TAFA2: variants seen among roughly 807,000 people sequenced by gnomAD.
TAFA2 encodes the protein TAFA chemokine like family member 2.
TAFA2 carries 7 observed loss-of-function variants against 18.8 expected under a neutral mutation model. The ratio of observed to expected loss-of-function variants is 0.37; its 90% CI spans 0.21 to 0.70. TAFA2 has a LOEUF of 0.70. TAFA2 is among the 30% of genes least tolerant of loss of function. TAFA2 has a pLI of 0.53. For missense variants in TAFA2, 122 were observed against 158.1 expected (o/e 0.77, Z 1.23); for synonymous variants, 60 against 54.2 (o/e 1.11, Z -0.47).
intron 1 of TAFA2, among the ~76,000 whole-genome samples, chr12:62,103,001 A>G (rs1869278113): frequency 6.6e-6 from 1 of 152,194 alleles, no homozygotes; most frequent in South Asian, 2.1e-4. Context: ...CTCTTTCTAC[A>G]GCACATCCTT....
chr12:62,103,145 T>G (rs981065414), intron 1 of TAFA2, among the ~76,000 whole-genome samples: 2 of 152,192 alleles, frequency 1.3e-5, no homozygotes, highest in Non-Finnish European at 2.9e-5. Flanking sequence ...CTTACACTCA[T>G]TACAGCTGAA....
intron 1 of TAFA2, among the ~76,000 whole-genome samples, chr12:61,997,256 G>A (rs1028500918): frequency 2.0e-5 from 3 of 151,260 alleles, no homozygotes; most frequent in Non-Finnish European, 4.4e-5. Flanking sequence ...AATAATGAGT[G>A]ATGGCAACAG....
At chr12:61,754,096 T>G (rs951824695) in intron 3 of TAFA2, among the ~76,000 whole-genome samples, 1 of 151,996 alleles carries the variant, frequency 6.6e-6, no homozygotes, top group African/African-American at 2.4e-5. Flanking sequence ...GAAAATAAAC[T>G]ATGCAAATGT....
chr12:62,064,229 T>A (rs985563860), intron 1 of TAFA2, among the ~76,000 whole-genome samples: 4 of 152,114 alleles, frequency 2.6e-5, no homozygotes, highest in African/African-American at 9.7e-5. Flanking sequence ...AACACTATTA[T>A]TTTTTACATG....
At chr12:61,743,995 T>C (rs1018641658) in intron 4 of TAFA2, among the ~76,000 whole-genome samples, 3 of 152,082 alleles carry the variant, frequency 2.0e-5, no homozygotes, top group African/African-American at 7.2e-5. Flanking sequence ...CCATTTTTCT[T>C]TTATTAAGCC....
chr12:61,772,643 T>C (rs1414963889), intron 2 of TAFA2, among the ~76,000 whole-genome samples: 1 of 151,918 alleles, frequency 6.6e-6, no homozygotes, highest in African/African-American at 2.4e-5. Context: ...AGAAAAAGCA[T>C]TTGACAAAAT....
intron 4 of TAFA2, among the ~76,000 whole-genome samples, chr12:61,724,790 T>TATATACACCAGATGG (rs1218348558): frequency 7.5e-5 from 6 of 79,742 alleles, no homozygotes; most frequent in African/African-American, 3.0e-4. Flanking sequence ...TGTGTGTGTG[T>TATATACACCAGATGG]GTGTGTGTGT....
chr12:62,088,589 GC>G (rs1319558044), intron 1 of TAFA2, among the ~76,000 whole-genome samples: 1 of 82,852 alleles, frequency 1.2e-5, no homozygotes, highest in East Asian at 3.1e-4. Context: ...CGGGGAAACA[GC>G]CCTGTAGAGG....
chr12:62,207,325 T>A lies in TAFA2; in HGVS notation c.-130+51438A>T, dbSNP rs142342410. 24 of 152,330 alleles carry A rather than the reference T, an allele frequency of 1.6e-4. No homozygotes were observed. In the East Asian group the frequency reaches 4.6e-3, roughly 29 times the overall value. The allele number at this position is 152,330 out of a possible 1,614,324, so 9.4% of individuals were successfully genotyped here. A position where few individuals can be genotyped will look rare whatever the true frequency, so the allele number is the denominator to read the frequency against. Reference sequence around the variant, plus strand: ...AGGGAAAAATATATGGCCACATTTATTTTAATATCCAATAATAATGACTTT... The same window carrying A: ...AGGGAAAAATATATGGCCACATTTAATTTAATATCCAATAATAATGACTTT... On this transcript the variant is annotated intron_variant, in intron 1 of 5. Coordinates refer to the TAFA2 transcript ENST00000551619.
chr12:61,941,601 G>T (rs540897670), intron 1 of TAFA2, among the ~76,000 whole-genome samples: 2 of 151,724 alleles, frequency 1.3e-5, no homozygotes, highest in South Asian at 4.2e-4. Context: ...TGCGTGCACC[G>T]TGCGTGAGCC....
chr12:61,919,766 A>G (rs975323401), intron 1 of TAFA2, among the ~76,000 whole-genome samples: 9 of 151,816 alleles, frequency 5.9e-5, no homozygotes, highest in African/African-American at 2.2e-4. Flanking sequence ...ATAATTGTCA[A>G]TTTCTACATT....
intron 1 of TAFA2, among the ~76,000 whole-genome samples, chr12:61,982,294 T>TG (rs904339273): frequency 5.3e-5 from 8 of 151,834 alleles, no homozygotes; most frequent in Non-Finnish European, 8.8e-5. Context: ...TGTCGTGGGG[T>TG]GGGGGTCTGG....
At chr12:62,244,458 A>C (rs1244491215) in intron 1 of TAFA2, among the ~76,000 whole-genome samples, 2 of 152,172 alleles carry the variant, frequency 1.3e-5, no homozygotes, top group African/African-American at 4.8e-5. Flanking sequence ...AATATGCAAC[A>C]GTTTATTAAA....
rs566362102 is a variant in TAFA2, at chr12:62,192,190, T to A, written c.-933A>T. Reference sequence around the variant, plus strand: ...CTCCTGGCCAGCTTCAGCCCCTCAATCCCGCCTCGAAGTGCTGCGGGCAGA... The same window carrying A: ...CTCCTGGCCAGCTTCAGCCCCTCAAACCCGCCTCGAAGTGCTGCGGGCAGA... On this transcript the variant is annotated 5_prime_UTR_variant, in exon 1 of 5. Transcript: ENST00000416284. The A allele has an allele frequency of 5.3e-5, 8 of 152,204 alleles. No individual in the cohort carries two copies. In the East Asian group the frequency reaches 1.6e-3, roughly 30 times the overall value. 9.4% of individuals were successfully genotyped at this position (152,204 alleles called of 1,614,324 possible).
At chr12:61,854,413 CAG>C (rs1873801970) in intron 2 of TAFA2, among the ~76,000 whole-genome samples, 1 of 151,940 alleles carries the variant, frequency 6.6e-6, no homozygotes, top group South Asian at 2.1e-4. Flanking sequence ...CATCCAGAAA[CAG>C]AGAGGGGGGA....
intron 1 of TAFA2, among the ~76,000 whole-genome samples, chr12:61,941,606 T>C (rs888352051): frequency 5.5e-4 from 83 of 152,240 alleles, no homozygotes; most frequent in South Asian, 2.7e-3. Flanking sequence ...GCACCGTGCG[T>C]GAGCCGAAGC....
At chr12:62,111,182 T>C (rs529269507) in intron 1 of TAFA2, among the ~76,000 whole-genome samples, 1 of 152,232 alleles carries the variant, frequency 6.6e-6, no homozygotes, top group Non-Finnish European at 1.5e-5. Context: ...TTCTGGTACA[T>C]TGTGTCTTTG....
chr12:61,990,500 C>T lies in TAFA2; in HGVS notation c.-1-123074G>A, dbSNP rs148591750. On this transcript the variant is annotated intron_variant, in intron 1 of 4. Coordinates refer to ENST00000416284, the MANE Select transcript of TAFA2 (RefSeq NM_178539.5). Reference sequence around the variant, plus strand: ...GACTACAGGTGCCCGCCACCACGTCCGGCTAATTTTTTGCATTTTTAATAG... The same window carrying T: ...GACTACAGGTGCCCGCCACCACGTCTGGCTAATTTTTTGCATTTTTAATAG... 4.9e-3 allele frequency among the ~76,000 whole-genome samples: 738 copies of T among 151,920 alleles called. 6 individuals are homozygous for T. The highest frequency in any genetic ancestry group is 0.016 in the African/African-American group (653 of 41,416).
chr12:62,225,635 T>C (rs2136981069), intron 1 of TAFA2, among the ~76,000 whole-genome samples: 1 of 151,850 alleles, frequency 6.6e-6, no homozygotes. Context: ...TCCAAATCAA[T>C]ATTAAAGAAA....
Sources: gnomAD v4.1 joint callset for allele counts (sites outside exome capture counted in the v4.1 genomes callset) on GRCh38, gnomAD v4.1.1 for gene constraint, MANE v1.5 for transcripts, NCBI Gene and HGNC (gene_info 2026-07-23, HGNC 2026-07-21) for gene names.